DMD: variants seen among roughly 807,000 people sequenced by gnomAD.
DMD encodes dystrophin.
DMD carries 63 observed loss-of-function variants against 330.1 expected under a neutral mutation model. The ratio of observed to expected loss-of-function variants is 0.19; its 90% CI spans 0.16 to 0.24. The LOEUF is 0.24. DMD is among the 10% of genes least tolerant of loss of function. The probability of loss-of-function intolerance (pLI) is 1.00; values close to 1 mark genes in which losing one functional copy is unlikely to be tolerated. For missense variants in DMD, 3,344 were observed against 2,684.1 expected (o/e 1.25, Z -5.43); for synonymous variants, 1,223 against 959.8 (o/e 1.27, Z -5.07).
At chrX:31,391,776 CAGG>C (rs1210859112) in intron 60 of DMD, among the ~76,000 whole-genome samples, 1 of 110,516 alleles carries the variant, frequency 9.0e-6, no homozygotes, top group African/African-American at 3.3e-5. Context: ...GAGGCTGAGG[CAGG>C]AGAATTGCTT....
At chrX:32,802,730 C>T (rs1247077198) in intron 7 of DMD, among the ~76,000 whole-genome samples, 1 of 111,827 alleles carries the variant, frequency 8.9e-6, no homozygotes, top group African/African-American at 3.3e-5. Context: ...TTGAGATAAT[C>T]ATGTGGTTTT....
intron 22 of DMD, among the ~76,000 whole-genome samples, chrX:32,469,974 A>G (rs1316106395): frequency 2.7e-5 from 3 of 111,493 alleles, no homozygotes; most frequent in Non-Finnish European, 5.7e-5. Flanking sequence ...GTATGTTATT[A>G]GGATGCACTG....
At chrX:32,993,364 G>A (rs1475945738) in intron 2 of DMD, among the ~76,000 whole-genome samples, 1 of 111,220 alleles carries the variant, frequency 9.0e-6, no homozygotes, top group Non-Finnish European at 1.9e-5. Context: ...AGCACTTTGG[G>A]AGGCTGAGGC....
At chrX:32,509,979 TACC>T (rs1425950366) in intron 18 of DMD, among the ~76,000 whole-genome samples, 1 of 111,696 alleles carries the variant, frequency 9.0e-6, no homozygotes, top group East Asian at 2.8e-4. Context: ...TGCTCACTAC[TACC>T]ACATTAGACA....
chrX:31,484,465 T>C (rs924982941), intron 57 of DMD, among the ~76,000 whole-genome samples: 1 of 111,899 alleles, frequency 8.9e-6, no homozygotes, highest in Non-Finnish European at 1.9e-5. Flanking sequence ...CTCTTCCCCA[T>C]ACCTTTCTTT....
At chrX:32,459,128 A>T (rs972250102) in intron 25 of DMD, among the ~76,000 whole-genome samples, 1 of 111,139 alleles carries the variant, frequency 9.0e-6, no homozygotes, top group Non-Finnish European at 1.9e-5. Context: ...TATTGTTAAA[A>T]ATATTCCAAG....
chrX:31,194,869 G>A (rs1002158128), intron 67 of DMD, among the ~76,000 whole-genome samples: 1 of 111,422 alleles, frequency 9.0e-6, no homozygotes, highest in East Asian at 2.8e-4. Flanking sequence ...CAAACCTAAC[G>A]CAAAATTGAT....
Position 32,934,108 on chromosome X carries a change from T to A in DMD, c.94-84288A>T, listed in dbSNP as rs139324674. ...GGACATTACAAAGATTATCAGTGAA[T>A]CAATGAATATTGGTAGTCATCATCA... On this transcript the variant is annotated intron_variant, in intron 2 of 78. Transcript: ENST00000357033. Among the ~76,000 whole-genome samples, 26 of 111,962 alleles carry A rather than the reference T, an allele frequency of 2.3e-4. No individual in the cohort carries two copies. In the East Asian group the frequency reaches 6.5e-3, roughly 28 times the overall value.
At chrX:32,709,556 C>G (rs1289984241) in intron 7 of DMD, among the ~76,000 whole-genome samples, 3 of 111,754 alleles carry the variant, frequency 2.7e-5, no homozygotes, top group Non-Finnish European at 5.7e-5. Flanking sequence ...ATCCCTCTTT[C>G]TCTTTCACAC....
chrX:32,659,010 T>A (rs2147061529), intron 9 of DMD, among the ~76,000 whole-genome samples: 1 of 112,139 alleles, frequency 8.9e-6, no homozygotes, highest in South Asian at 3.7e-4. Context: ...TGTATTGACA[T>A]TCAGCATCAC....
chrX:31,613,007 T>G (rs1403744097), intron 55 of DMD, among the ~76,000 whole-genome samples: 1 of 111,686 alleles, frequency 9.0e-6, no homozygotes, highest in Non-Finnish European at 1.9e-5. Flanking sequence ...TGGCCAAGAG[T>G]TGAATTTTCC....
chrX:32,297,632 C>T (rs893362623), intron 42 of DMD, among the ~76,000 whole-genome samples: 2 of 111,470 alleles, frequency 1.8e-5, no homozygotes, highest in East Asian at 5.6e-4. Flanking sequence ...AAAAGCCCCG[C>T]TCTCTGGAAT....
chrX:32,156,378 C>CA (rs1382305704), intron 44 of DMD, among the ~76,000 whole-genome samples: 1 of 111,806 alleles, frequency 8.9e-6, no homozygotes, highest in Non-Finnish European at 1.9e-5. Flanking sequence ...GACTTCGTCT[C>CA]AAAAAAATAA....
intron 44 of DMD, among the ~76,000 whole-genome samples, chrX:32,083,580 G>T (rs369859373): frequency 3.6e-5 from 4 of 111,156 alleles, no homozygotes; most frequent in African/African-American, 1.3e-4. Flanking sequence ...CTTTTGCGTA[G>T]ATAAGGAAAA....
intron 61 of DMD, among the ~76,000 whole-genome samples, chrX:31,344,302 A>T (rs758064766): frequency 4.7e-4 from 52 of 111,727 alleles, no homozygotes; most frequent in Non-Finnish European, 8.3e-4. Flanking sequence ...AATCTGAGAT[A>T]TTTGTAAAGG....
intron 44 of DMD, among the ~76,000 whole-genome samples, chrX:32,162,957 C>T (rs1320422177): frequency 9.0e-6 from 1 of 111,207 alleles, no homozygotes; most frequent in East Asian, 2.8e-4. Flanking sequence ...ACTCTCAAAT[C>T]TGCATCTCTA....
chrX:33,129,206 C>T, intron 1 of DMD: 1 of 109,654 alleles, frequency 9.1e-6, no homozygotes, highest in Non-Finnish European at 1.9e-5. Flanking sequence ...CTAAATTTTT[C>T]CAAGGACTTC....
In DMD at chrX:32,252,687, T is replaced by TATATATAA. The variant is rs1557243063; in HGVS notation, c.6290+34841_6290+34842insTTATATAT. ...AAATATATATATATAAATATATAAA[T>TATATATAA]ATATATATAAATATATATAAATATA... On this transcript the variant is annotated intron_variant, in intron 43 of 78. Transcript: ENST00000357033. Among the ~76,000 whole-genome samples, 23 of 35,511 alleles carry TATATATAA rather than the reference T, an allele frequency of 6.5e-4. 2 individuals are homozygous for TATATATAA. The highest frequency in any genetic ancestry group is 1.6e-3 in the African/African-American group (12 of 7,632). The allele number at this position is 35,511 out of a possible 115,157, so 30.8% of individuals were successfully genotyped here.
At chrX:32,369,030 C>T (rs1330957493) in intron 34 of DMD, among the ~76,000 whole-genome samples, 5 of 111,186 alleles carry the variant, frequency 4.5e-5, no homozygotes, top group Non-Finnish European at 3.8e-5. Flanking sequence ...AGAAGGTGAA[C>T]GCAAACTATA....
Sources: allele counts gnomAD v4.1 joint callset (sites outside exome capture counted in the v4.1 genomes callset), GRCh38; gene constraint gnomAD v4.1.1; transcripts MANE v1.5; gene names NCBI Gene and HGNC (gene_info 2026-07-23, HGNC 2026-07-21).